The following DCLRE1A variants were observed in gnomAD, a reference collection of about 807,000 sequenced individuals.
The protein encoded by DCLRE1A is DNA cross-link repair 1A protein.
A neutral mutation model predicts 91.9 loss-of-function variants in DCLRE1A; 64 were observed. That is an observed-to-expected ratio of 0.70 (90% CI 0.57 to 0.86). The LOEUF (loss-of-function observed/expected upper bound fraction) is 0.86. Among genes scored for constraint, DCLRE1A ranks in the 40% least tolerant of loss-of-function variants. The pLI is 0.00. For missense variants in DCLRE1A, 1,145 were observed against 1,213.3 expected (o/e 0.94, Z 0.84); for synonymous variants, 416 against 431.1 (o/e 0.96, Z 0.43).
intron 4 of DCLRE1A, 66 bp from the exon 5 acceptor site, chr10:113,844,310 C>T: frequency 6.3e-7 from 1 of 1,582,728 alleles, no homozygotes. Context: ...GTATCTATTT[C>T]AATATCAACA....
At chr10:113,845,344 G>A (rs1845519406) in intron 4 of DCLRE1A, among the ~76,000 whole-genome samples, 1 of 152,180 alleles carries the variant, frequency 6.6e-6, no homozygotes, top group South Asian at 2.1e-4. Flanking sequence ...GTTAATTTAT[G>A]TAAATGATAA....
chr10:113,852,891 G>C lies in DCLRE1A; in HGVS notation c.292C>G (p.Pro98Ala), dbSNP rs1380778786. The change falls in exon 1 of 9, where the codon CCA becomes GCA. Residue 98 changes from proline (P) to alanine (A), a missense_variant. Physicochemically the swap from Pro to Ala is conservative, Grantham distance 27. Coordinates refer to ENST00000361384, the MANE Select transcript of DCLRE1A (RefSeq NM_014881.5). ...IQQTQDKETT[P>A]GKLCRTQKSQ... ...TTTTGAGTTCTACAGAGTTTTCCTGGAGTAGTTTCCTTGTCTTGGGTCTGC... is the reference window on the plus strand; with the variant it reads ...TTTTGAGTTCTACAGAGTTTTCCTGCAGTAGTTTCCTTGTCTTGGGTCTGC... 3.1e-6 allele frequency: 5 copies of C among 1,613,970 alleles called. No homozygotes were observed. Among genetic ancestry groups the C allele is most frequent in the Non-Finnish European group, 1.7e-6 (2 of 1,180,032 alleles).
intron 5 of DCLRE1A, among the ~76,000 whole-genome samples, 194 bp downstream of exon 5, chr10:113,843,910 T>C (rs758252143): frequency 2.0e-5 from 3 of 152,230 alleles, no homozygotes; most frequent in East Asian, 1.9e-4. Context: ...CACAAAAAAA[T>C]GAGCTGTAGT....
Position 113,841,474 on chromosome 10 carries a change from A to G in DCLRE1A, c.2752T>C (p.Ser918Pro). 1 of 1,613,690 alleles carries G rather than the reference A, an allele frequency of 6.2e-7. No homozygotes were observed. Reference protein sequence around the residue: ...LQCLNIPEINSLITTDMCSSL... With the variant: ...LQCLNIPEINPLITTDMCSSL... ...CTGCACATGTCGGTAGTGATGAGTG[A>G]ATTAATTTCTGGTATATTGAGGCAC... Residue 918 changes from serine to proline, a missense_variant, in exon 7 of 9, where the codon TCA becomes CCA. Coordinates refer to ENST00000361384, the MANE Select transcript of DCLRE1A (RefSeq NM_014881.5).
chr10:113,844,179 T>C lies in DCLRE1A; in HGVS notation c.2444A>G (p.Asp815Gly), dbSNP rs201735249. 9 of 1,613,890 alleles carry C rather than the reference T, an allele frequency of 5.6e-6. No individual in the cohort carries two copies. The highest frequency in any genetic ancestry group is 1.6e-4 in the Middle Eastern group (1 of 6,084). ...PNGTVILHTGDFRADPSMERS... is the reference protein window; with the variant it reads ...PNGTVILHTGGFRADPSMERS... Reference sequence around the variant, plus strand: ...TTCCATGCTGGGATCTGCTCTGAAGTCTCCCGTGTGTAATATGACAGTACC... The same window carrying C: ...TTCCATGCTGGGATCTGCTCTGAAGCCTCCCGTGTGTAATATGACAGTACC... Residue 815 changes from aspartate to glycine, a missense_variant, in exon 5 of 9, where the codon GAC becomes GGC. Transcript: ENST00000361384.
intron 2 of DCLRE1A, 93 bp from the exon 3 acceptor site, chr10:113,847,428 T>A: frequency 7.4e-7 from 1 of 1,350,864 alleles, no homozygotes. Flanking sequence ...CCTCTTTACC[T>A]CTTATTTCCA....
chr10:113,839,401 A>G (rs1026137314), intron 7 of DCLRE1A, among the ~76,000 whole-genome samples: 1 of 151,796 alleles, frequency 6.6e-6, no homozygotes, highest in African/African-American at 2.4e-5. Flanking sequence ...AGGAAAAAAA[A>G]CTTTTCACAA....
chr10:113,835,331 G>A lies in DCLRE1A; in HGVS notation c.2963-19C>T, dbSNP rs199698413. 22 of 1,557,180 alleles carry A rather than the reference G, an allele frequency of 1.4e-5. No individual in the cohort carries two copies. The highest frequency in any genetic ancestry group is 2.3e-5 in the East Asian group (1 of 43,504). The stretch of plus-strand genomic sequence containing the variant: ...GGAATTCCTGTAACAAAAAATAAAC[G>A]AATTTGTACACTAAAATCAAACTAA... On this transcript the variant is annotated intron_variant, in intron 8 of 8. Transcript: ENST00000361384.
chr10:113,841,939 T>C lies in DCLRE1A; in HGVS notation c.2666-379A>G, dbSNP rs967582692. ...GAAAGTATTTTGCAAATTAGTACAA[T>C]ACTACCTGGACAAACTAAGTTATAC... On this transcript the variant is annotated intron_variant, in intron 6 of 8. Transcript: ENST00000361384. 2.6e-5 allele frequency among the ~76,000 whole-genome samples: 4 copies of C among 152,288 alleles called. No individual in the cohort carries two copies. The Middle Eastern group carries it at 0.01, about 388-fold the overall frequency.
At chr10:113,847,373 G>A (rs772811735) in intron 2 of DCLRE1A, 38 bp from the exon 3 acceptor site, 2 of 1,605,960 alleles carry the variant, frequency 1.2e-6, no homozygotes, top group South Asian at 1.1e-5. Flanking sequence ...TTGAGCAAGA[G>A]CTAAGATACC....
At chr10:113,852,047 C>T (rs1035662132) in intron 1 of DCLRE1A, among the ~76,000 whole-genome samples, 2 of 152,148 alleles carry the variant, frequency 1.3e-5, no homozygotes, top group South Asian at 4.1e-4. Context: ...ATAATAACCA[C>T]CAACTGGGGC....
chr10:113,853,438 T>A lies in DCLRE1A; in HGVS notation c.-256A>T, dbSNP rs1003180891. On this transcript the variant is annotated 5_prime_UTR_variant, in exon 1 of 9. Coordinates refer to ENST00000361384, the MANE Select transcript of DCLRE1A (RefSeq NM_014881.5). ...ATAAACCTATCACAGGAGTAGCAAC[T>A]GTGAAGTTCTCCATTATGGGTGCTA... is the stretch of plus-strand genomic sequence containing the variant. 2.8e-6 allele frequency: 1 copy of A among 361,380 alleles called. No homozygotes were observed. Among genetic ancestry groups the A allele is most frequent in the African/African-American group, 2.1e-5 (1 of 47,206 alleles). 22.4% of individuals were successfully genotyped at this position (361,380 alleles called of 1,614,324 possible). A position where few individuals can be genotyped will look rare whatever the true frequency, so the allele number is the denominator to read the frequency against.
At position 113,842,396 on chromosome 10, in the gene DCLRE1A, T is replaced by C. The variant is rs565945425; in HGVS notation, c.2612A>G (p.His871Arg). The change falls in exon 6 of 9, where the codon CAT becomes CGT. Residue 871 changes from histidine (H) to arginine (R), a missense_variant. By Grantham distance (29) the His-to-Arg change is conservative. Transcript: ENST00000361384. ...TAFEAVTLNP[H>R]ALVVCGTYSI... ...GTAAGTGCCACAGACAACAAGAGCATGTGGGTTTAGAGTTACAGCCTCAAA... is the reference window on the plus strand; with the variant it reads ...GTAAGTGCCACAGACAACAAGAGCACGTGGGTTTAGAGTTACAGCCTCAAA... The C allele has an allele frequency of 5.0e-6, 8 of 1,613,914 alleles. No homozygotes were observed. The highest frequency in any genetic ancestry group is 2.7e-5 in the African/African-American group (2 of 75,030).
At chr10:113,845,919 A>C (rs1246556276) in intron 3 of DCLRE1A, 116 bp from the exon 4 acceptor site, 55 of 885,824 alleles carry the variant, frequency 6.2e-5, no homozygotes, top group Non-Finnish European at 1.9e-6. Flanking sequence ...ATATTTAAGT[A>C]AACACTCCAC....
intron 3 of DCLRE1A, 99 bp from the exon 4 acceptor site, chr10:113,845,902 CCTA>C: frequency 1.0e-6 from 1 of 1,003,458 alleles, no homozygotes; most frequent in Non-Finnish European, 1.6e-6. Context: ...CATCCATTTT[CCTA>C]CTTATATTTA....
In DCLRE1A at chr10:113,849,252, T is replaced by C. The variant is rs763931810; in HGVS notation, c.1853A>G (p.His618Arg). The C allele has an allele frequency of 6.2e-7, 1 of 1,614,184 alleles. No individual in the cohort carries two copies. Among genetic ancestry groups the C allele is most frequent in the South Asian group, 1.1e-5 (1 of 91,082 alleles). ...SDLEFDASTL[H>R]ESQLSVELSS... ...AAGTTCCACAGAAAGCTGACTCTCA[T>C]GTAAAGTACTTGCATCAAATTCTAA... is the stretch of plus-strand genomic sequence containing the variant. The change falls in exon 2 of 9, where the codon CAT (histidine) becomes CGT (arginine). Residue 618 changes from histidine to arginine, a missense_variant. Coordinates refer to ENST00000361384, the MANE Select transcript of DCLRE1A (RefSeq NM_014881.5).
chr10:113,850,638 G>A lies in DCLRE1A; in HGVS notation c.467C>T (p.Pro156Leu), dbSNP rs1211250004. 1.9e-6 allele frequency: 3 copies of A among 1,579,340 alleles called. No individual in the cohort carries two copies. The highest frequency in any genetic ancestry group is 2.6e-6 in the Non-Finnish European group (3 of 1,162,438). ...GGTTGAGGTACACAGAAGACCATCA[G>A]GACACTCTGAAATTTTAATAAAGAA... ...DSPPRSETEC[P>L]DGLLCTSTIP... Residue 156 changes from proline (P) to leucine (L), a missense_variant, in exon 2 of 9, where the codon CCT becomes CTT. Transcript: ENST00000361384.
intron 7 of DCLRE1A, among the ~76,000 whole-genome samples, chr10:113,839,324 C>CAAA (rs35405311): frequency 2.0e-4 from 12 of 61,238 alleles, no homozygotes; most frequent in Admixed American, 5.2e-4. Flanking sequence ...GACCCTGTCT[C>CAAA]AAAAAAAAAA....
chr10:113,848,627 T>TA (rs1336489704), intron 2 of DCLRE1A, among the ~76,000 whole-genome samples: 1 of 152,196 alleles, frequency 6.6e-6, no homozygotes, highest in Admixed American at 6.5e-5. Flanking sequence ...CACAAGCACT[T>TA]AGAGGCTGCC....
Sources: gnomAD v4.1 joint callset for allele counts (sites outside exome capture counted in the v4.1 genomes callset) on GRCh38, gnomAD v4.1.1 for gene constraint, MANE v1.5 for transcripts, NCBI Gene and HGNC (gene_info 2026-07-23, HGNC 2026-07-21) for gene names.